The following FAM47E variants were observed in gnomAD, a reference collection of about 807,000 sequenced individuals.
The protein encoded by FAM47E is protein FAM47E.
A neutral mutation model predicts 41.6 loss-of-function variants in FAM47E; 32 were observed. That is an observed-to-expected ratio of 0.77 (90% CI 0.58 to 1.03). FAM47E has a LOEUF of 1.03. Among genes scored for constraint, FAM47E ranks in the 50% least tolerant of loss-of-function variants. The pLI is 0.00. For missense variants in FAM47E, 424 were observed against 485.4 expected, an observed-to-expected ratio of 0.87 and a Z score of 1.19; for synonymous variants, 184 against 188.7, an observed-to-expected ratio of 0.98 and a Z score of 0.20.
chr4:76,268,265 C>T (rs62300803), intron 3 of FAM47E: 38,405 of 175,880 alleles, frequency 0.22, 4,576 homozygotes, highest in African/African-American at 0.3. Context: ...TCTGCCAGAC[C>T]TTAACTGAGC....
At chr4:76,254,900 C>A (rs1734124611) in intron 1 of FAM47E, among the ~76,000 whole-genome samples, 1 of 152,130 alleles carries the variant, frequency 6.6e-6, no homozygotes, top group Non-Finnish European at 1.5e-5. Flanking sequence ...TCTCTTCCAT[C>A]TCATCTATAT....
intron 5 of FAM47E, among the ~76,000 whole-genome samples, chr4:76,277,515 A>C (rs1350396052): frequency 4.7e-5 from 7 of 149,808 alleles, no homozygotes; most frequent in Non-Finnish European, 8.9e-5. Context: ...AAAAGAAAAA[A>C]AAAAGGCAAA....
At chr4:76,246,608 A>G (rs772914239) in intron 2 of FAM47E, among the ~76,000 whole-genome samples, 1 of 152,112 alleles carries the variant, frequency 6.6e-6, no homozygotes, top group Admixed American at 6.5e-5. Context: ...AAAATTTTAC[A>G]TATGTACTAA....
chr4:76,247,219 T>C (rs1392052312), upstream of FAM47E, among the ~76,000 whole-genome samples: 1 of 152,180 alleles, frequency 6.6e-6, no homozygotes, highest in Non-Finnish European at 1.5e-5. Context: ...CCTTTTGCAT[T>C]TGACTTCTTT....
chr4:76,229,657 C>T (rs1733459365), intron 2 of FAM47E, among the ~76,000 whole-genome samples: 3 of 152,164 alleles, frequency 2.0e-5, no homozygotes, highest in Admixed American at 2.0e-4. Flanking sequence ...CAGGCTGGTG[C>T]TGAGAAATAC....
At chr4:76,274,427 A>G (rs1277535879) in intron 5 of FAM47E, among the ~76,000 whole-genome samples, 2 of 152,150 alleles carry the variant, frequency 1.3e-5, no homozygotes, top group African/African-American at 4.8e-5. Context: ...AATTTAGAAA[A>G]GAAATTAGCT....
At chr4:76,248,063 C>G (rs1431597094), upstream of FAM47E, among the ~76,000 whole-genome samples, 1 of 151,496 alleles carries the variant, frequency 6.6e-6, no homozygotes, top group East Asian at 1.9e-4. Flanking sequence ...TACAGGCGCC[C>G]ACCACCACGC....
At chr4:76,225,258 A>C (rs1237322767) in intron 2 of FAM47E, among the ~76,000 whole-genome samples, 1 of 152,148 alleles carries the variant, frequency 6.6e-6, no homozygotes, top group Non-Finnish European at 1.5e-5. Flanking sequence ...CACATGTGCA[A>C]GTGTCTTTTT....
At chr4:76,270,078 G>T (rs1734822829) in intron 4 of FAM47E, among the ~76,000 whole-genome samples, 1 of 152,152 alleles carries the variant, frequency 6.6e-6, no homozygotes, top group African/African-American at 2.4e-5. Flanking sequence ...GTTTAAGAGA[G>T]AAAAGGGAAG....
upstream of FAM47E, among the ~76,000 whole-genome samples, chr4:76,246,906 T>G (rs1450567583): frequency 6.6e-6 from 1 of 152,124 alleles, no homozygotes; most frequent in Non-Finnish European, 1.5e-5. Context: ...AATTTCCTTC[T>G]TTTTTTGGTA....
chr4:76,251,862 G>T, intron 1 of FAM47E, 42 bp downstream of exon 1: 1 of 1,370,002 alleles, frequency 7.3e-7, no homozygotes, highest in Non-Finnish European at 9.4e-7. Flanking sequence ...TCCCACGCGG[G>T]CCGCGCGGGG....
Position 76,223,910 on chromosome 4 carries a change from T to C in FAM47E, c.81+6222T>C, listed in dbSNP as rs112522402. On this transcript the variant is annotated intron_variant, in intron 2 of 7. Coordinates refer to the FAM47E transcript ENST00000510197. ...GTCTTGGGACATTCAGGCTTGATCT[T>C]TGGGCTGCTACCCTATCCCTGAGCG... is the stretch of plus-strand genomic sequence containing the variant. Among the ~76,000 whole-genome samples the C allele has an allele frequency of 5.8e-3, 881 of 152,296 alleles. 11 individuals are homozygous for C. The highest frequency in any genetic ancestry group is 0.02 in the African/African-American group (832 of 41,556).
At chr4:76,254,545 G>A (rs1477942721) in intron 1 of FAM47E, among the ~76,000 whole-genome samples, 1 of 152,060 alleles carries the variant, frequency 6.6e-6, no homozygotes, top group African/African-American at 2.4e-5. Flanking sequence ...CAGTAGAGTT[G>A]GGTTAAGCCC....
intron 1 of FAM47E, 120 bp from the exon 2 acceptor site, chr4:76,256,058 C>A: frequency 8.6e-7 from 1 of 1,168,366 alleles, no homozygotes; most frequent in South Asian, 1.6e-5. Context: ...TTCCCCTACC[C>A]CCAACCCTAA....
chr4:76,240,694 T>C (rs922851278), intron 2 of FAM47E, among the ~76,000 whole-genome samples: 3 of 152,206 alleles, frequency 2.0e-5, no homozygotes, highest in Non-Finnish European at 2.9e-5. Context: ...TTTTTTTAAC[T>C]TTCAGCTATT....
chr4:76,283,209 T>G, intron 7 of FAM47E, 172 bp from the exon 8 acceptor site: 1 of 486,690 alleles, frequency 2.1e-6, no homozygotes, highest in Non-Finnish European at 3.7e-6. Flanking sequence ...GTGACTACCT[T>G]CCAAAGACCA....
In FAM47E at chr4:76,256,462, C is replaced by T. The variant is rs1423143146; in HGVS notation, c.359C>T (p.Ala120Val). The T allele has an allele frequency of 1.4e-5, 21 of 1,551,614 alleles. No individual in the cohort carries two copies. The Admixed American group carries it at 3.3e-4, about 25-fold the overall frequency. Residue 120 changes from alanine (A) to valine (V), a missense_variant, in exon 2 of 8, where the codon GCC (alanine) becomes GTC (valine). Coordinates refer to ENST00000424749, the MANE Select transcript of FAM47E (RefSeq NM_001136570.3). ...AAGGCATTCCTGGAGGACGTGGAGGCCCACCTGACCCCACATCCCTTAGCG... is the reference window on the plus strand; with the variant it reads ...AAGGCATTCCTGGAGGACGTGGAGGTCCACCTGACCCCACATCCCTTAGCG... ...ARKAFLEDVE[A>V]HLTPHPLALY...
At chr4:76,225,391 T>C (rs1733380010) in intron 2 of FAM47E, among the ~76,000 whole-genome samples, 1 of 152,196 alleles carries the variant, frequency 6.6e-6, no homozygotes, top group Non-Finnish European at 1.5e-5. Context: ...CCTTCCCTTG[T>C]CTGACTCCTC....
intron 2 of FAM47E, among the ~76,000 whole-genome samples, chr4:76,224,483 A>C (rs995486345): frequency 6.6e-6 from 1 of 152,222 alleles, no homozygotes; most frequent in African/African-American, 2.4e-5. Context: ...AGGTGGCAGG[A>C]GACTTTTTTA....
Sources: gnomAD v4.1 joint callset for allele counts (sites outside exome capture counted in the v4.1 genomes callset) on GRCh38, gnomAD v4.1.1 for gene constraint, MANE v1.5 for transcripts, NCBI Gene and HGNC (gene_info 2026-07-23, HGNC 2026-07-21) for gene names.